BIN3: variants seen among roughly 807,000 people sequenced by gnomAD.
The protein encoded by BIN3 is bridging integrator 3.
A neutral mutation model predicts 38.2 loss-of-function variants in BIN3; 41 were observed. The observed-to-expected ratio is 1.07, with a 90% CI of 0.84 to 1.39. BIN3 has a LOEUF of 1.39. Among genes scored for constraint, BIN3 ranks in the 40% most tolerant of loss-of-function variants. The pLI is 0.00. For synonymous variants in BIN3, 145 were observed against 122.6 expected (o/e 1.18, Z -1.21); for missense variants, 361 against 324.3 (o/e 1.11, Z -0.87).
intron 2 of BIN3, 33 bp from the exon 3 acceptor site, chr8:22,636,995 A>G (rs762333908): frequency 1.2e-5 from 20 of 1,604,030 alleles, no homozygotes; most frequent in Non-Finnish European, 3.4e-6. Context: ...ATTATCGGAG[A>G]AATGACAACA....
chr8:22,668,970 G>A lies in BIN3; in HGVS notation c.8+74C>T, dbSNP rs938411259. 74 of 1,539,476 alleles carry A rather than the reference G, an allele frequency of 4.8e-5. No individual in the cohort carries two copies. The Middle Eastern group carries it at 7.1e-4, about 15-fold the overall frequency. ...GCGCGGGACCGGAGGGAGCCGGGAC[G>A]CGGCACTGACACAGGGCCAGGGGCC... On this transcript the variant is annotated intron_variant, in intron 1 of 8. Coordinates refer to ENST00000276416, the MANE Select transcript of BIN3 (RefSeq NM_018688.6).
chr8:22,621,924 G>A (rs983521129), intron 8 of BIN3, among the ~76,000 whole-genome samples: 2 of 152,264 alleles, frequency 1.3e-5, no homozygotes, highest in East Asian at 3.8e-4. Flanking sequence ...CAAGGCTTTT[G>A]TCCATGGCAG....
chr8:22,645,529 G>A (rs1802687355), intron 1 of BIN3, among the ~76,000 whole-genome samples: 2 of 149,102 alleles, frequency 1.3e-5, no homozygotes, highest in Non-Finnish European at 3.0e-5. Flanking sequence ...GGGAAGGGGA[G>A]GGGGAGGAAA....
At chr8:22,645,309 A>C (rs542241753) in intron 1 of BIN3, among the ~76,000 whole-genome samples, 18 of 151,404 alleles carry the variant, frequency 1.2e-4, no homozygotes, top group Admixed American at 2.6e-4. Flanking sequence ...AAAAAAAAAA[A>C]CACAAAAAAA....
At chr8:22,621,798 G>A (rs932506504) in intron 8 of BIN3, among the ~76,000 whole-genome samples, 5 of 152,180 alleles carry the variant, frequency 3.3e-5, no homozygotes, top group Non-Finnish European at 7.3e-5. Flanking sequence ...CCCCTGCTTC[G>A]GGCTCCTGGT....
chr8:22,664,212 T>C (rs1275366561), intron 1 of BIN3, among the ~76,000 whole-genome samples: 1 of 152,190 alleles, frequency 6.6e-6, no homozygotes, highest in Non-Finnish European at 1.5e-5. Flanking sequence ...GTATAATACA[T>C]ATAACACCTC....
At chr8:22,667,994 AAC>A (rs1203508636) in intron 1 of BIN3, among the ~76,000 whole-genome samples, 1 of 152,226 alleles carries the variant, frequency 6.6e-6, no homozygotes, top group Admixed American at 6.5e-5. Flanking sequence ...TGCATAAACA[AAC>A]ACACTAGCCT....
chr8:22,623,961 C>A lies in BIN3; in HGVS notation c.569G>T (p.Arg190Leu). ...LEEMPRFYGSRLDYFQPSFES... is the reference protein window; with the variant it reads ...LEEMPRFYGSLLDYFQPSFES... ...AAAGCTGGGCTGGAAGTAGTCGAGG[C>A]GGCTGCCGTAGAAGCGCGGCATCTC... Residue 190 changes from arginine (R) to leucine (L), a missense_variant, in exon 8 of 9, where the codon CGC (arginine) becomes CTC (leucine). By Grantham distance (102) the Arg-to-Leu change is moderately radical (BLOSUM62 -2). Coordinates refer to ENST00000276416, the MANE Select transcript of BIN3 (RefSeq NM_018688.6). The A allele has an allele frequency of 1.2e-6, 2 of 1,611,156 alleles. No individual in the cohort carries two copies. The highest frequency in any genetic ancestry group is 1.7e-6 in the Non-Finnish European group (2 of 1,179,344).
intron 2 of BIN3, among the ~76,000 whole-genome samples, chr8:22,637,886 G>A (rs188104909): frequency 3.9e-5 from 6 of 152,304 alleles, no homozygotes; most frequent in African/African-American, 1.4e-4. Context: ...TGCTTTACAA[G>A]AATGCAGTTC....
intron 6 of BIN3, among the ~76,000 whole-genome samples, chr8:22,629,367 C>T (rs556214380): frequency 5.3e-5 from 8 of 152,168 alleles, no homozygotes; most frequent in Non-Finnish European, 8.8e-5. Flanking sequence ...GCCTGTTCCC[C>T]GCCCTGGGGA....
intron 1 of BIN3, among the ~76,000 whole-genome samples, chr8:22,655,493 G>A (rs1036788537): frequency 2.6e-5 from 4 of 152,184 alleles, no homozygotes; most frequent in Non-Finnish European, 5.9e-5. Flanking sequence ...TCCTTGGCAA[G>A]TGGCTATCCA....
At chr8:22,648,308 T>C (rs80236443) in intron 1 of BIN3, among the ~76,000 whole-genome samples, 4,534 of 152,052 alleles carry the variant, frequency 0.03, 228 homozygotes, top group African/African-American at 0.1. Flanking sequence ...ACCTCCTCAG[T>C]TTTCCCCATG....
In BIN3 at chr8:22,621,345, G is replaced by A; in HGVS notation, c.*77C>T. 2.0e-6 allele frequency: 3 copies of A among 1,514,666 alleles called. No homozygotes were observed. In the South Asian group the frequency reaches 3.8e-5, roughly 19 times the overall value. The allele number at this position is 1,514,666 out of a possible 1,614,324, so 93.8% of individuals were successfully genotyped here. A position where few individuals can be genotyped will look rare whatever the true frequency, so the allele number is the denominator to read the frequency against. ...CCACCTCTGTCCCCAGCCTGTGAGA[G>A]GAGCAGCTAGCCCTGAGAAGGGCAA... On this transcript the variant is annotated 3_prime_UTR_variant, in exon 9 of 9. Coordinates refer to ENST00000276416, the MANE Select transcript of BIN3 (RefSeq NM_018688.6).
At chr8:22,660,934 A>C (rs1015991827) in intron 1 of BIN3, among the ~76,000 whole-genome samples, 3 of 152,024 alleles carry the variant, frequency 2.0e-5, no homozygotes, top group Non-Finnish European at 1.5e-5. Flanking sequence ...ATCCAGGCTG[A>C]GGTGCAGTGG....
At chr8:22,634,389 C>G (rs940258063) in intron 4 of BIN3, 7 of 435,788 alleles carry the variant, frequency 1.6e-5, no homozygotes. Context: ...GGCCACAGTC[C>G]CTGCACAGGC....
chr8:22,645,091 G>A (rs1490023701), intron 1 of BIN3, among the ~76,000 whole-genome samples: 2 of 152,022 alleles, frequency 1.3e-5, no homozygotes, highest in African/African-American at 4.8e-5. Context: ...GTGAGGCCAA[G>A]GAGTTTGAGG....
intron 1 of BIN3, among the ~76,000 whole-genome samples, chr8:22,647,661 A>G (rs553699766): frequency 6.6e-5 from 10 of 152,318 alleles, no homozygotes; most frequent in East Asian, 3.9e-4. Flanking sequence ...CTCTGGCACA[A>G]TAAGAGGTTA....
At chr8:22,659,509 A>AC (rs1803163453) in intron 1 of BIN3, among the ~76,000 whole-genome samples, 1 of 152,240 alleles carries the variant, frequency 6.6e-6, no homozygotes, top group Admixed American at 6.5e-5. Context: ...AATGAAGCAC[A>AC]CAACGTTAAG....
chr8:22,660,667 C>T (rs538406448), intron 1 of BIN3, among the ~76,000 whole-genome samples: 1 of 152,014 alleles, frequency 6.6e-6, no homozygotes, highest in East Asian at 1.9e-4. Flanking sequence ...GAGGTCTGCC[C>T]CAGCAATGGT....
Sources: allele counts gnomAD v4.1 joint callset (sites outside exome capture counted in the v4.1 genomes callset), GRCh38; gene constraint gnomAD v4.1.1; transcripts MANE v1.5; gene names NCBI Gene and HGNC (gene_info 2026-07-23, HGNC 2026-07-21).